GGT1: variants seen among roughly 807,000 people sequenced by gnomAD.
GGT1 encodes gamma-glutamyltransferase 1.
In GGT1, 21 loss-of-function variants were observed where a neutral mutation model predicts 56.0. The observed-to-expected ratio is 0.38, with a 90% CI of 0.27 to 0.54. The LOEUF (loss-of-function observed/expected upper bound fraction) is 0.54, where lower values mean the gene tolerates loss of function less well. Among genes scored for constraint, GGT1 ranks in the 20% least tolerant of loss-of-function variants. The pLI, the probability that GGT1 is intolerant of heterozygous loss-of-function variation, is 0.82. For synonymous variants in GGT1, 238 were observed against 342.6 expected (o/e 0.69, Z 3.37); for missense variants, 466 against 787.0 (o/e 0.59, Z 4.88).
chr22:24,589,543 G>T, the GGT1 span: 1 of 462,812 alleles, frequency 2.2e-6, no homozygotes, highest in Non-Finnish European at 3.4e-6. Context: ...TAGTCTTCCT[G>T]GTCTGGGCCC....
intron 9 of GGT1, 45 bp from the exon 10 acceptor site, chr22:24,623,062 T>C (rs1283998340): frequency 6.2e-7 from 1 of 1,611,104 alleles, no homozygotes; most frequent in Non-Finnish European, 8.5e-7. Flanking sequence ...CACGCAGTGG[T>C]GCAGCCCCAT....
upstream of GGT1, chr22:24,590,034 G>GC (rs2045522361): frequency 7.1e-7 from 1 of 1,409,986 alleles, no homozygotes; most frequent in East Asian, 2.6e-5. Context: ...TGCTGCTTAT[G>GC]CCCGTTCCTG....
Position 24,620,375 on chromosome 22 carries a change from G to T in GGT1, c.430G>T (p.Ala144Ser). 6.2e-7 allele frequency: 1 copy of T among 1,611,666 alleles called. No individual in the cohort carries two copies. Among genetic ancestry groups the T allele is most frequent in the South Asian group, 1.1e-5 (1 of 90,972 alleles). Residue 144 changes from alanine (A) to serine (S), a missense_variant, in exon 8 of 16, where the codon GCA becomes TCA. Ala to Ser is a moderately conservative substitution (Grantham distance 99, BLOSUM62 1). Around this residue, in one of 2 missense-constraint regions of GGT1, gnomAD observed 456 missense variants for 716.7 expected, o/e 0.64. Transcript: ENST00000400382. This position sits in a 1 kb window ranked among gnomAD's most constrained non-coding sequence, Gnocchi z 5.6. The part of the protein sequence containing the change: ...VPGEIRGYEL[A>S]HQRHGRLPWA... ...TGGGGAGATCCGAGGCTATGAGCTG[G>T]CACACCAGCGGCATGGGCGGCTGCC...
At position 24,620,538 on chromosome 22, in the gene GGT1, GC is replaced by G; in HGVS notation, c.575+23del. 6.2e-7 allele frequency: 1 copy of G among 1,611,408 alleles called. No homozygotes were observed. On this transcript the variant is annotated intron_variant, in intron 8 of 15. Transcript: ENST00000400382. This position sits in a 1 kb window ranked among gnomAD's most constrained non-coding sequence, Gnocchi z 5.6. ...GTCTTGTGGTATGTCTGTGGGTGCG[GC>G]CCCCTGACACAGGCAGGGCAGGCAC...
At chr22:24,592,989 G>C (rs1169147154), upstream of GGT1, 9 of 1,156,210 alleles carry the variant, frequency 7.8e-6, no homozygotes, top group African/African-American at 1.6e-5. Context: ...CCGCCGCCCC[G>C]GCCTCAGAGC....
chr22:24,592,812 C>T, upstream of GGT1: 1 of 1,266,122 alleles, frequency 7.9e-7, no homozygotes, highest in South Asian at 2.2e-5. Flanking sequence ...CCCCCAGACC[C>T]CCAGACCCTC....
At chr22:24,588,567 GC>G in the GGT1 span, 1 of 832,596 alleles carries the variant, frequency 1.2e-6, no homozygotes, top group Non-Finnish European at 1.7e-6. Flanking sequence ...GCAGTGCCCG[GC>G]GGGAGGAAGC....
At chr22:24,624,113 G>T (rs781344422) in intron 11 of GGT1, 197 bp downstream of exon 11, 7 of 985,302 alleles carry the variant, frequency 7.1e-6, no homozygotes, top group African/African-American at 1.7e-5. Flanking sequence ...AGAACTGACA[G>T]TGTGGGGAAT....
intron 11 of GGT1, among the ~76,000 whole-genome samples, chr22:24,626,889 A>G (rs2047818580): frequency 6.7e-6 from 1 of 149,598 alleles, no homozygotes; most frequent in African/African-American, 2.5e-5. Context: ...CTCTCTGCCT[A>G]TCACTCACCA....
At chr22:24,584,798 C>A in the GGT1 span, among the ~76,000 whole-genome samples, 1 of 151,970 alleles carries the variant, frequency 6.6e-6, no homozygotes, top group African/African-American at 2.4e-5. Flanking sequence ...CCGGACATCT[C>A]TAAATTCCTT....
At chr22:24,586,047 G>A in the GGT1 span, 1 of 1,611,466 alleles carries the variant, frequency 6.2e-7, no homozygotes, top group East Asian at 2.2e-5. Context: ...CGCCGGCGCA[G>A]GCCGACCAGC....
At position 24,623,289 on chromosome 22, in the gene GGT1, C is replaced by T; in HGVS notation, c.883+33C>T. ...GTCGCACCACAGCCGTGTGGTAGGA[C>T]CCATGACACTGCCTCTCTCTCCCCA... On this transcript the variant is annotated intron_variant, in intron 10 of 15. Coordinates refer to ENST00000400382, the MANE Select transcript of GGT1 (RefSeq NM_001288833.2). 2.7e-6 allele frequency: 4 copies of T among 1,490,172 alleles called. 1 individual carries two copies. The highest frequency in any genetic ancestry group is 3.7e-6 in the Non-Finnish European group (4 of 1,094,152). The allele number at this position is 1,490,172 out of a possible 1,614,324, so 92.3% of individuals were successfully genotyped here.
rs757859809 is a variant in GGT1 at position 24,621,036 on chromosome 22, C to T, written c.699C>T (p.Leu233=). The T allele has an allele frequency of 2.1e-5, 34 of 1,601,892 alleles. No individual in the cohort carries two copies. The highest frequency in any genetic ancestry group is 2.7e-5 in the Non-Finnish European group (32 of 1,174,670). ...EGAQAFYNGS[L]TAQIVKDIQA... is the part of the protein sequence containing the mutation. ...CCCAGGCCTTCTACAACGGCAGCCT[C>T]ACGGCCCAGATTGTGAAGGACATCC... Residue 233 remains leucine (L), a synonymous_variant, in exon 9 of 16, where the codon CTC becomes CTT. Transcript: ENST00000400382.
intron 1 of GGT1, among the ~76,000 whole-genome samples, chr22:24,604,210 C>G (rs1316308116): frequency 1.3e-5 from 2 of 151,902 alleles, no homozygotes; most frequent in East Asian, 3.9e-4. Flanking sequence ...GTGGGTGGGT[C>G]CTGGGCTTAC....
In GGT1 at chr22:24,620,808, G is replaced by A. The variant is rs2047370619; in HGVS notation, c.576-105G>A. The A allele has an allele frequency of 2.0e-6, 3 of 1,494,902 alleles. No individual in the cohort carries two copies. The highest frequency in any genetic ancestry group is 2.7e-6 in the Non-Finnish European group (3 of 1,118,508). 92.6% of individuals were successfully genotyped at this position (1,494,902 alleles called of 1,614,324 possible). A position where few individuals can be genotyped will look rare whatever the true frequency, so the allele number is the denominator to read the frequency against. ...GTGACAGGGCCACCCACCTGTGACA[G>A]GCGCTGCCCCTGTTCTGCTCCGTTC... On this transcript the variant is annotated intron_variant, in intron 8 of 15. Coordinates refer to ENST00000400382, the MANE Select transcript of GGT1 (RefSeq NM_001288833.2). This position sits in a 1 kb window ranked among gnomAD's most constrained non-coding sequence, Gnocchi z 5.6.
At chr22:24,613,399 A>G (rs2046840832) in intron 5 of GGT1, among the ~76,000 whole-genome samples, 2 of 152,212 alleles carry the variant, frequency 1.3e-5, no homozygotes, top group Admixed American at 6.6e-5. Flanking sequence ...TTAATAAAGT[A>G]TAGCAATTTC....
chr22:24,628,325 G>A lies in GGT1; in HGVS notation c.1500G>A (p.Glu500=). ...GCTATGACGTGAAGCGGGCCGTGGAGGAGCCCCGGCTGCACAACCAGCTTC... is the reference window on the plus strand; with the variant it reads ...GCTATGACGTGAAGCGGGCCGTGGAAGAGCCCCGGCTGCACAACCAGCTTC... ...WFGYDVKRAV[E]EPRLHNQLLP... Residue 500 remains glutamate, a synonymous_variant, in exon 15 of 16, where the codon GAG becomes GAA. Transcript: ENST00000400382. This position sits in a 1 kb window ranked among gnomAD's most constrained non-coding sequence, Gnocchi z 5.7. 6.2e-7 allele frequency: 1 copy of A among 1,611,788 alleles called. No individual in the cohort carries two copies. Among genetic ancestry groups the A allele is most frequent in the Non-Finnish European group, 8.5e-7 (1 of 1,179,840 alleles).
intron 11 of GGT1, among the ~76,000 whole-genome samples, chr22:24,626,493 CTTAT>C (rs1364923901): frequency 6.7e-6 from 1 of 149,438 alleles, no homozygotes; most frequent in Non-Finnish European, 1.5e-5. Context: ...TGAACCCATG[CTTAT>C]TTATTTATTT....
At chr22:24,616,644 AC>A (rs768496680) in intron 7 of GGT1, among the ~76,000 whole-genome samples, 5 of 143,708 alleles carry the variant, frequency 3.5e-5, no homozygotes, top group Non-Finnish European at 6.0e-5. Flanking sequence ...TCCTGAGTTC[AC>A]GCCATTCTCC....
Sources: gnomAD v4.1 joint callset for allele counts (sites outside exome capture counted in the v4.1 genomes callset) on GRCh38, gnomAD v4.1.1 for gene constraint, gnomAD v4.1.1 regional missense constraint, Gnocchi (gnomAD v3.1) non-coding constraint, MANE v1.5 for transcripts, NCBI Gene and HGNC (gene_info 2026-07-23, HGNC 2026-07-21) for gene names.